Variants in CNTN4 observed in about 807,000 individuals in gnomAD.
The protein encoded by CNTN4 is contactin 4, also known as contactin-4.
A neutral mutation model predicts 122.5 loss-of-function variants in CNTN4; 77 were observed. The ratio of observed to expected loss-of-function variants is 0.63; its 90% CI spans 0.52 to 0.76. CNTN4 has a LOEUF of 0.76. Ranked by LOEUF, CNTN4 falls within the 30% of genes least tolerant of loss-of-function variation. The pLI is 0.00. For missense variants in CNTN4, 1,256 were observed against 1,259.1 expected (o/e 1.00, Z 0.04); for synonymous variants, 512 against 447.0 (o/e 1.15, Z -1.83).
At chr3:3,055,998 G>C in intron 24 of CNTN4, 122 bp from the exon 25 acceptor site, 1 of 684,962 alleles carries the variant, frequency 1.5e-6, no homozygotes, top group Non-Finnish European at 2.6e-6. Flanking sequence ...AAGCCATTAA[G>C]ACCTTGATCA....
At chr3:2,498,655 A>AT (rs893731422) in intron 3 of CNTN4, among the ~76,000 whole-genome samples, 66 of 151,814 alleles carry the variant, frequency 4.3e-4, no homozygotes, top group African/African-American at 1.4e-3. Context: ...TAATTTTTGT[A>AT]TTTTTTTGTA....
rs1205053384 is a variant in CNTN4 at position 2,949,545 on chromosome 3, C to CCA, written c.1358+23767_1358+23768dup. Among the ~76,000 whole-genome samples the CCA allele has an allele frequency of 2.0e-5, 3 of 152,144 alleles. No individual in the cohort carries two copies. In the East Asian group the frequency reaches 5.8e-4, roughly 29 times the overall value. ...GGGTTATGGGAAGGCACAGGCTAAG[C>CCA]CAATCAGACCCTCTCCTTCTTTCAA... On this transcript the variant is annotated intron_variant, in intron 13 of 24. Transcript: ENST00000418658.
chr3:2,215,568 A>G (rs1175040399), intron 2 of CNTN4, among the ~76,000 whole-genome samples: 1 of 152,108 alleles, frequency 6.6e-6, no homozygotes, highest in Non-Finnish European at 1.5e-5. Context: ...GTTCTAATTT[A>G]TATTCCTACC....
intron 6 of CNTN4, among the ~76,000 whole-genome samples, chr3:2,753,557 C>A (rs1374286968): frequency 3.3e-5 from 5 of 152,110 alleles, no homozygotes; most frequent in African/African-American, 4.8e-5. Flanking sequence ...GGAGAAGGGA[C>A]CAGCATAGGA....
intron 13 of CNTN4, among the ~76,000 whole-genome samples, chr3:2,964,182 C>A (rs1462924189): frequency 6.6e-6 from 1 of 152,162 alleles, no homozygotes; most frequent in African/African-American, 2.4e-5. Flanking sequence ...AGCTTTTCCT[C>A]TCAATTCCCT....
At chr3:2,178,524 CTTATG>C (rs2036856690) in intron 2 of CNTN4, among the ~76,000 whole-genome samples, 1 of 151,956 alleles carries the variant, frequency 6.6e-6, no homozygotes, top group Admixed American at 6.6e-5. Flanking sequence ...AAAACAGAGA[CTTATG>C]TTAGGCTTGA....
rs1394028518 is a variant in CNTN4 at position 2,900,716 on chromosome 3, T to G, written c.972T>G (p.Asp324Glu). 1 of 1,613,774 alleles carries G rather than the reference T, an allele frequency of 6.2e-7. No individual in the cohort carries two copies. The highest frequency in any genetic ancestry group is 1.3e-5 in the African/African-American group (1 of 74,916). The change falls in exon 11 of 25, where the codon GAT (aspartate) becomes GAG (glutamate). Residue 324 changes from aspartate to glutamate, a missense_variant. Asp to Glu is a conservative substitution (Grantham distance 45). Transcript: ENST00000418658. ...AQPNWIQKIN[D>E]IHVAMEENVF... Reference sequence around the variant, plus strand: ...CTAATTGGATTCAAAAAATAAATGATATTCACGTGGCCATGGAAGAAAATG... The same window carrying G: ...CTAATTGGATTCAAAAAATAAATGAGATTCACGTGGCCATGGAAGAAAATG...
At chr3:2,382,610 T>C (rs1239885479) in intron 3 of CNTN4, among the ~76,000 whole-genome samples, 1 of 152,228 alleles carries the variant, frequency 6.6e-6, no homozygotes, top group African/African-American at 2.4e-5. Flanking sequence ...TGTGACTGGC[T>C]ATTTGAGTTT....
intron 2 of CNTN4, among the ~76,000 whole-genome samples, chr3:2,137,593 T>G (rs1316849872): frequency 6.6e-6 from 1 of 152,228 alleles, no homozygotes; most frequent in East Asian, 1.9e-4. Flanking sequence ...GTATGTAACT[T>G]TATCACATTG....
At chr3:2,462,529 A>C (rs1559574584) in intron 3 of CNTN4, among the ~76,000 whole-genome samples, 1 of 152,214 alleles carries the variant, frequency 6.6e-6, no homozygotes, top group Non-Finnish European at 1.5e-5. Flanking sequence ...GATAGGAAGA[A>C]AGCTGATGTT....
chr3:2,484,899 G>C (rs1018556199), intron 3 of CNTN4, among the ~76,000 whole-genome samples: 2 of 152,178 alleles, frequency 1.3e-5, no homozygotes, highest in Admixed American at 1.3e-4. Context: ...CTCTGCTTGC[G>C]GGAAGGTGTG....
chr3:2,389,295 AG>A (rs1420080320), intron 3 of CNTN4, among the ~76,000 whole-genome samples: 6 of 100,736 alleles, frequency 6.0e-5, no homozygotes, highest in Non-Finnish European at 1.4e-4. Context: ...TTGTTCTCGG[AG>A]AAACCTTCCC....
chr3:2,382,926 T>C (rs1022396975), intron 3 of CNTN4, among the ~76,000 whole-genome samples: 1 of 151,962 alleles, frequency 6.6e-6, no homozygotes, highest in Non-Finnish European at 1.5e-5. Context: ...AATACAAAAA[T>C]TAGCTGGGCA....
chr3:2,907,863 A>G (rs557217981), intron 12 of CNTN4, among the ~76,000 whole-genome samples: 1 of 152,334 alleles, frequency 6.6e-6, no homozygotes, highest in East Asian at 1.9e-4. Flanking sequence ...TGGGTGATTT[A>G]CTCACTGGAT....
chr3:3,040,697 G>C (rs1021144243), intron 20 of CNTN4, among the ~76,000 whole-genome samples: 2 of 152,158 alleles, frequency 1.3e-5, no homozygotes, highest in East Asian at 1.9e-4. Flanking sequence ...GGAGGCCAAG[G>C]CGGGTGGATC....
At chr3:2,122,164 A>AC (rs2033843644) in intron 2 of CNTN4, among the ~76,000 whole-genome samples, 1 of 151,938 alleles carries the variant, frequency 6.6e-6, no homozygotes, top group Non-Finnish European at 1.5e-5. Flanking sequence ...CAAAAAAAAA[A>AC]AAAAATTATT....
At chr3:2,260,570 A>G (rs1014988949) in intron 2 of CNTN4, among the ~76,000 whole-genome samples, 3 of 152,124 alleles carry the variant, frequency 2.0e-5, no homozygotes, top group African/African-American at 4.8e-5. Context: ...GCTGTCTCCT[A>G]TTATAGTCTT....
At position 2,370,513 on chromosome 3, in the gene CNTN4, C is replaced by T. The variant is rs964326221; in HGVS notation, c.-89+31280C>T. ...GAGGTGACAGAGTAATGAATTGCCC[C>T]CTACTGATTTTGTTCCTGTTTGATC... is the stretch of plus-strand genomic sequence containing the variant. On this transcript the variant is annotated intron_variant, in intron 3 of 24. Transcript: ENST00000418658. 2.0e-5 allele frequency among the ~76,000 whole-genome samples: 3 copies of T among 151,988 alleles called. No homozygotes were observed. The East Asian group carries it at 5.8e-4, about 29-fold the overall frequency.
At position 2,682,923 on chromosome 3, in the gene CNTN4, G is replaced by A. The variant is rs76435109; in HGVS notation, c.56-53292G>A. On this transcript the variant is annotated intron_variant, in intron 4 of 24. Coordinates refer to ENST00000418658, the MANE Select transcript of CNTN4 (RefSeq NM_175607.3). ...CTTCACGGAGTAGATTTTCTCTGCC[G>A]CCAGCATCCAAATGTGCATTTGACA... Among the ~76,000 whole-genome samples the A allele has an allele frequency of 7.4e-3, 972 of 131,550 alleles. 4 individuals carry two copies. Among genetic ancestry groups the A allele is most frequent in the African/African-American group, 0.031 (921 of 29,696 alleles). The allele number at this position is 131,550 out of a possible 152,430, so 86.3% of individuals were successfully genotyped here.
Sources: gnomAD v4.1 joint callset for allele counts (sites outside exome capture counted in the v4.1 genomes callset) on GRCh38, gnomAD v4.1.1 for gene constraint, MANE v1.5 for transcripts, NCBI Gene and HGNC (gene_info 2026-07-23, HGNC 2026-07-21) for gene names.